The following AOPEP variants were observed in gnomAD, a reference collection of about 807,000 sequenced individuals.
AOPEP encodes aminopeptidase O (putative), also known as aminopeptidase O.
A neutral mutation model predicts 98.1 loss-of-function variants in AOPEP; 77 were observed. The ratio of observed to expected loss-of-function variants is 0.78; its 90% CI spans 0.65 to 0.95. The LOEUF is 0.95. AOPEP is among the 40% of genes least tolerant of loss of function. AOPEP has a pLI of 0.00. For missense variants in AOPEP, 1,024 were observed against 1,024.7 expected (o/e 1.00, Z 0.01); for synonymous variants, 346 against 365.3 (o/e 0.95, Z 0.60).
the AOPEP span, among the ~76,000 whole-genome samples, chr9:95,143,354 C>A: frequency 6.6e-6 from 1 of 152,120 alleles, no homozygotes; most frequent in Non-Finnish European, 1.5e-5. Flanking sequence ...CTGATTAAAT[C>A]GCTGGCCAGT....
chr9:95,072,749 T>C (rs2068636818), intron 14 of AOPEP, among the ~76,000 whole-genome samples: 1 of 152,188 alleles, frequency 6.6e-6, no homozygotes, highest in Non-Finnish European at 1.5e-5. Context: ...CTTTACCATA[T>C]CCTAGTTAAA....
intron 13 of AOPEP, chr9:95,006,017 T>C (rs1278105024): frequency 2.1e-6 from 1 of 476,458 alleles, no homozygotes; most frequent in East Asian, 6.8e-5. Context: ...ATTGGAGTCA[T>C]CTAAGAAATA....
intron 2 of AOPEP, among the ~76,000 whole-genome samples, chr9:94,765,259 G>T (rs1194333658): frequency 6.6e-6 from 1 of 151,678 alleles, no homozygotes. Context: ...CACTGACTGC[G>T]CCCAGCCTTA....
At chr9:94,981,434 C>A (rs2060177920) in intron 11 of AOPEP, among the ~76,000 whole-genome samples, 1 of 152,164 alleles carries the variant, frequency 6.6e-6, no homozygotes, top group South Asian at 2.1e-4. Flanking sequence ...CTGGTATTTC[C>A]TTGGGTGCTT....
the AOPEP span, among the ~76,000 whole-genome samples, chr9:95,115,139 A>C: frequency 3.3e-5 from 5 of 152,094 alleles, no homozygotes; most frequent in Admixed American, 3.3e-4. Flanking sequence ...ATGAGGTTTC[A>C]CTATGTTTCT....
At chr9:95,064,414 C>T (rs990028576) in intron 14 of AOPEP, among the ~76,000 whole-genome samples, 6 of 152,206 alleles carry the variant, frequency 3.9e-5, no homozygotes, top group Admixed American at 3.9e-4. Context: ...GCCTCAGCCT[C>T]CCGAGTAGCT....
At chr9:95,008,472 T>C (rs900535050) in intron 13 of AOPEP, among the ~76,000 whole-genome samples, 2 of 152,242 alleles carry the variant, frequency 1.3e-5, no homozygotes, top group Non-Finnish European at 2.9e-5. Context: ...CTTCCAGGGA[T>C]GTTTGTTTTC....
chr9:94,840,841 C>A (rs577348949), intron 5 of AOPEP, among the ~76,000 whole-genome samples: 35 of 151,918 alleles, frequency 2.3e-4, no homozygotes, highest in Admixed American at 5.9e-4. Context: ...GTGATGATTT[C>A]ATTCCTGATG....
At chr9:95,026,505 C>A in intron 13 of AOPEP, among the ~76,000 whole-genome samples, 2 of 152,226 alleles carry the variant, frequency 1.3e-5, no homozygotes, top group East Asian at 3.8e-4. Flanking sequence ...GAGGTGCATG[C>A]ATGTCGCAGT....
chr9:95,143,367 T>A, the AOPEP span, among the ~76,000 whole-genome samples: 8 of 152,180 alleles, frequency 5.3e-5, no homozygotes, highest in Non-Finnish European at 1.2e-4. Flanking sequence ...TGGCCAGTAG[T>A]GATCAGGTCG....
the AOPEP span, chr9:95,111,045 C>T: frequency 2.7e-6 from 4 of 1,462,786 alleles, no homozygotes; most frequent in Non-Finnish European, 3.6e-6. Context: ...AAGATGGAAG[C>T]AAGCCCTGGC....
At chr9:95,148,364 A>G in the AOPEP span, among the ~76,000 whole-genome samples, 3 of 152,212 alleles carry the variant, frequency 2.0e-5, no homozygotes, top group Non-Finnish European at 2.9e-5. Context: ...ATGGAAATTG[A>G]CCTGAAAGAA....
At chr9:94,910,814 C>T (rs2051923677) in intron 5 of AOPEP, among the ~76,000 whole-genome samples, 1 of 152,086 alleles carries the variant, frequency 6.6e-6, no homozygotes, top group African/African-American at 2.4e-5. Flanking sequence ...TAGGATGAGC[C>T]ATATGAAATT....
At chr9:94,863,229 C>T (rs1224312694) in intron 5 of AOPEP, among the ~76,000 whole-genome samples, 1 of 151,138 alleles carries the variant, frequency 6.6e-6, no homozygotes, top group Non-Finnish European at 1.5e-5. Context: ...CCCCTCTCTT[C>T]CCCTCCCCTC....
the AOPEP span, among the ~76,000 whole-genome samples, chr9:95,104,861 C>T: frequency 2.0e-5 from 3 of 152,178 alleles, no homozygotes; most frequent in Non-Finnish European, 4.4e-5. Context: ...CCCCACTGCC[C>T]CTCCCCAGCC....
At chr9:95,047,220 C>G (rs1364999864) in intron 13 of AOPEP, among the ~76,000 whole-genome samples, 1 of 152,156 alleles carries the variant, frequency 6.6e-6, no homozygotes, top group Non-Finnish European at 1.5e-5. Context: ...GAAAAATATA[C>G]AGTTTGAAAG....
intron 5 of AOPEP, among the ~76,000 whole-genome samples, chr9:94,870,294 A>C (rs994222739): frequency 6.6e-6 from 1 of 152,076 alleles, no homozygotes; most frequent in African/African-American, 2.4e-5. Context: ...CCAGCTGAAG[A>C]CATTAATTAT....
intron 9 of AOPEP, among the ~76,000 whole-genome samples, chr9:94,957,502 C>A (rs1486473952): frequency 2.0e-5 from 3 of 152,230 alleles, no homozygotes; most frequent in Non-Finnish European, 4.4e-5. Context: ...GCCACCACAC[C>A]CAGCCCGTTT....
At chr9:94,815,422 T>G (rs1323504472) in intron 5 of AOPEP, among the ~76,000 whole-genome samples, 3 of 152,148 alleles carry the variant, frequency 2.0e-5, no homozygotes, top group Non-Finnish European at 4.4e-5. Context: ...CTGTGTCAAT[T>G]AAGACATTGA....
Sources: gnomAD v4.1 joint callset for allele counts (sites outside exome capture counted in the v4.1 genomes callset) on GRCh38, gnomAD v4.1.1 for gene constraint, MANE v1.5 for transcripts, NCBI Gene and HGNC (gene_info 2026-07-23, HGNC 2026-07-21) for gene names.